Variants in OFD1 observed in about 807,000 individuals in gnomAD.
OFD1 encodes the protein OFD1 centriole and centriolar satellite protein.
Under a neutral mutation model 81.4 loss-of-function variants are expected in OFD1, and 12 were observed. The observed-to-expected ratio is 0.15, with a 90% CI of 0.09 to 0.24. OFD1 has a LOEUF of 0.24. OFD1 is among the 10% of genes least tolerant of loss of function. The probability of loss-of-function intolerance (pLI) is 1.00; values close to 1 mark genes in which losing one functional copy is unlikely to be tolerated. For missense variants in OFD1, 685 were observed against 733.9 expected, an observed-to-expected ratio of 0.93 and a Z score of 0.77; for synonymous variants, 256 against 263.7, an observed-to-expected ratio of 0.97 and a Z score of 0.28.
chrX:13,756,384 A>G (rs922955892), intron 12 of OFD1, among the ~76,000 whole-genome samples, 194 bp from the exon 13 acceptor site: 9 of 111,986 alleles, frequency 8.0e-5, no homozygotes, highest in Non-Finnish European at 1.9e-5. Flanking sequence ...TGCGGCCTAT[A>G]AAAGTTCTGC....
chrX:13,765,483 CCT>C (rs1453542254), intron 19 of OFD1, among the ~76,000 whole-genome samples: 2 of 111,288 alleles, frequency 1.8e-5, no homozygotes, highest in Non-Finnish European at 3.8e-5. Flanking sequence ...TCAGCTGTCT[CCT>C]CTGGTATTTT....
chrX:13,734,101 A>G (rs1253837176), upstream of OFD1: 2 of 513,733 alleles, frequency 3.9e-6, no homozygotes, highest in Non-Finnish European at 7.0e-6. Context: ...TGTGGATCTC[A>G]ACCCGGAGCG....
At chrX:13,738,123 A>G (rs1366388015) in intron 3 of OFD1, among the ~76,000 whole-genome samples, 1 of 112,409 alleles carries the variant, frequency 8.9e-6, no homozygotes, top group Admixed American at 9.4e-5. Context: ...AGCTGGGATA[A>G]CAAGCATGAG....
chrX:13,761,510 G>A (rs2047930461), intron 17 of OFD1, among the ~76,000 whole-genome samples: 1 of 111,867 alleles, frequency 8.9e-6, no homozygotes, highest in Non-Finnish European at 1.9e-5. Context: ...AATAGATTTG[G>A]TTTATTAAGA....
rs1440793513 is a variant in OFD1, at chrX:13,763,671, C to A, written c.2489-74C>A. 15 of 825,503 alleles carry A rather than the reference C, an allele frequency of 1.8e-5. No homozygotes were observed. In the East Asian group the frequency reaches 4.4e-4, roughly 24 times the overall value. 68.0% of individuals were successfully genotyped at this position (825,503 alleles called of 1,213,427 possible). Reference sequence around the variant, plus strand: ...TCAGTTCCCGTGCTCCAGTCAGTTGCCCCCACACTGCACTGCCCTTCTTTG... The same window carrying A: ...TCAGTTCCCGTGCTCCAGTCAGTTGACCCCACACTGCACTGCCCTTCTTTG... On this transcript the variant is annotated intron_variant, in intron 18 of 22. Transcript: ENST00000340096.
the OFD1 span, among the ~76,000 whole-genome samples, chrX:13,714,966 T>G: frequency 8.9e-6 from 1 of 112,370 alleles, no homozygotes; most frequent in South Asian, 3.6e-4. Context: ...GCTTCTCAAA[T>G]TAGTGTATCA....
chrX:13,736,904 G>A (rs2046889043), intron 3 of OFD1, among the ~76,000 whole-genome samples: 1 of 112,430 alleles, frequency 8.9e-6, no homozygotes, highest in African/African-American at 3.2e-5. Context: ...AAACAGTGAT[G>A]TATAGAATCT....
Position 13,735,047 on chromosome X carries a change from G to A in OFD1, c.-25G>A. 1 of 1,184,815 alleles carries A rather than the reference G, an allele frequency of 8.4e-7. No homozygotes were observed. Among genetic ancestry groups the A allele is most frequent in the Non-Finnish European group, 1.1e-6 (1 of 884,889 alleles). ...CGGGCCGCGGCGGGGCGAGCGAGGC[G>A]GGCTCCGGAGGGAGCTGACGCCTGA... On this transcript the variant is annotated 5_prime_UTR_variant, in exon 1 of 23. Transcript: ENST00000340096.
rs891513110 is a variant in OFD1, at chrX:13,748,074, A to G, written c.828+1121A>G. On this transcript the variant is annotated intron_variant, in intron 8 of 22. Transcript: ENST00000340096. Reference sequence around the variant, plus strand: ...GTCCACTCTCGCCTGGGGCTTCTCAATAAGACCTAGTTGTTTAATGCTAAG... The same window carrying G: ...GTCCACTCTCGCCTGGGGCTTCTCAGTAAGACCTAGTTGTTTAATGCTAAG... Among the ~76,000 whole-genome samples, 3 of 112,167 alleles carry G rather than the reference A, an allele frequency of 2.7e-5. No homozygotes were observed. In the South Asian group the frequency reaches 1.1e-3, roughly 41 times the overall value.
At position 13,735,051 on chromosome X, in the gene OFD1, T is replaced by C. The variant is rs1489836290; in HGVS notation, c.-21T>C. ...CCGCGGCGGGGCGAGCGAGGCGGGC[T>C]CCGGAGGGAGCTGACGCCTGATGAT... On this transcript the variant is annotated 5_prime_UTR_variant, in exon 1 of 23. Transcript: ENST00000340096. 2 of 1,185,519 alleles carry C rather than the reference T, an allele frequency of 1.7e-6. No homozygotes were observed. The highest frequency in any genetic ancestry group is 4.4e-5 in the Admixed American group (2 of 45,028).
the OFD1 span, among the ~76,000 whole-genome samples, chrX:13,717,418 T>A: frequency 1.8e-5 from 2 of 112,294 alleles, no homozygotes; most frequent in Non-Finnish European, 3.8e-5. Flanking sequence ...GAACTTGGAA[T>A]GCAGTCTTAC....
chrX:13,733,488 C>G (rs950638579), upstream of OFD1, among the ~76,000 whole-genome samples: 1 of 112,146 alleles, frequency 8.9e-6, no homozygotes. Context: ...AACTAAGCCT[C>G]TCCTCCTTTT....
upstream of OFD1, among the ~76,000 whole-genome samples, chrX:13,733,421 A>T (rs986811177): frequency 1.1e-4 from 12 of 111,166 alleles, no homozygotes; most frequent in African/African-American, 3.9e-4. Flanking sequence ...TTCTCTCTTC[A>T]TGCCTGGAAT....
intron 6 of OFD1, 59 bp downstream of exon 6, chrX:13,744,578 A>G: frequency 1.4e-6 from 1 of 727,357 alleles, no homozygotes; most frequent in Admixed American, 2.3e-5. Flanking sequence ...AATGAAGGAA[A>G]TTATCTGATT....
chrX:13,764,353 T>C (rs904173076), intron 19 of OFD1, among the ~76,000 whole-genome samples: 2 of 112,687 alleles, frequency 1.8e-5, no homozygotes, highest in Non-Finnish European at 3.7e-5. Flanking sequence ...AAAAACTTCG[T>C]ATTTCAATCT....
intron 9 of OFD1, among the ~76,000 whole-genome samples, chrX:13,750,727 T>G (rs1011190894): frequency 8.9e-6 from 1 of 112,350 alleles, no homozygotes; most frequent in Non-Finnish European, 1.9e-5. Context: ...TCCTCCTGCC[T>G]CAGCCTTCTG....
intron 3 of OFD1, among the ~76,000 whole-genome samples, chrX:13,737,497 C>A (rs1189417935): frequency 9.1e-6 from 1 of 109,422 alleles, no homozygotes; most frequent in African/African-American, 3.3e-5. Context: ...TAGCCTCCCC[C>A]ACTGTCAACA....
chrX:13,746,927 C>T lies in OFD1; in HGVS notation c.802C>T (p.Leu268Phe), dbSNP rs371315550. The T allele has an allele frequency of 6.6e-6, 8 of 1,211,142 alleles. No individual in the cohort carries two copies. Among genetic ancestry groups the T allele is most frequent in the Non-Finnish European group, 8.9e-6 (8 of 894,993 alleles). The part of the protein sequence containing the change: ...EALVLREKST[L>F]ERIHKHQEIE... ...TCTCGTTCTTCGGGAAAAGAGTACCCTTGAAAGAATTCACAAGCACCAAGA... is the reference window on the plus strand; with the variant it reads ...TCTCGTTCTTCGGGAAAAGAGTACCTTTGAAAGAATTCACAAGCACCAAGA... The change falls in exon 8 of 23, where the codon CTT (leucine) becomes TTT (phenylalanine). Residue 268 changes from leucine (L) to phenylalanine (F), a missense_variant. Coordinates refer to ENST00000340096, the MANE Select transcript of OFD1 (RefSeq NM_003611.3).
chrX:13,768,292 T>G (rs1049253697), intron 21 of OFD1, 68 bp downstream of exon 21: 16 of 842,938 alleles, frequency 1.9e-5, no homozygotes, highest in Non-Finnish European at 2.5e-5. Flanking sequence ...CTTAACTTCT[T>G]GGGACGGGAA....
Sources: allele counts gnomAD v4.1 joint callset (sites outside exome capture counted in the v4.1 genomes callset), GRCh38; gene constraint gnomAD v4.1.1; transcripts MANE v1.5; gene names NCBI Gene and HGNC (gene_info 2026-07-23, HGNC 2026-07-21).